SLC9A9: variants seen among roughly 807,000 people sequenced by gnomAD.
SLC9A9 encodes the protein solute carrier family 9 member A9, also known as sodium/hydrogen exchanger 9.
SLC9A9 carries 62 observed loss-of-function variants against 77.8 expected under a neutral mutation model. That is an observed-to-expected ratio of 0.80 (90% CI 0.65 to 0.98). The LOEUF is 0.98. SLC9A9 is among the 50% of genes least tolerant of loss of function. SLC9A9 has a pLI of 0.00. For missense variants in SLC9A9, 775 were observed against 774.9 expected, an observed-to-expected ratio of 1.00 and a Z score of 0.00; for synonymous variants, 320 against 283.5, an observed-to-expected ratio of 1.13 and a Z score of -1.29.
At chr3:143,606,079 C>A (rs560842493) in intron 6 of SLC9A9, among the ~76,000 whole-genome samples, 44 of 152,144 alleles carry the variant, frequency 2.9e-4, no homozygotes, top group African/African-American at 1.0e-3. Flanking sequence ...TCATTTCATT[C>A]TAACATTGTC....
intron 4 of SLC9A9, among the ~76,000 whole-genome samples, chr3:143,718,265 C>T (rs1934405191): frequency 6.6e-6 from 1 of 152,234 alleles, no homozygotes; most frequent in Non-Finnish European, 1.5e-5. Flanking sequence ...AACTCACCTA[C>T]TGGTTTGATT....
At chr3:143,281,358 A>G (rs1489502366) in intron 14 of SLC9A9, among the ~76,000 whole-genome samples, 1 of 152,066 alleles carries the variant, frequency 6.6e-6, no homozygotes, top group African/African-American at 2.4e-5. Context: ...ATTCTAATAC[A>G]GTATTCTATT....
At chr3:143,467,313 T>A in intron 11 of SLC9A9, 123 bp from the exon 12 acceptor site, 1 of 1,103,880 alleles carries the variant, frequency 9.1e-7, no homozygotes, top group Non-Finnish European at 1.3e-6. Flanking sequence ...TTGAGATAAT[T>A]ATAGATTCAT....
At chr3:143,468,743 T>C (rs972185821) in intron 11 of SLC9A9, among the ~76,000 whole-genome samples, 2 of 152,260 alleles carry the variant, frequency 1.3e-5, no homozygotes, top group African/African-American at 4.8e-5. Flanking sequence ...GATTACATAG[T>C]TTTACAAAAT....
chr3:143,426,175 G>A (rs897814470), intron 12 of SLC9A9, among the ~76,000 whole-genome samples: 2 of 152,092 alleles, frequency 1.3e-5, no homozygotes, highest in African/African-American at 4.8e-5. Flanking sequence ...ACAGATGTAC[G>A]GACTGGCAAA....
chr3:143,756,786 T>G (rs771267737), intron 4 of SLC9A9, among the ~76,000 whole-genome samples: 75 of 152,164 alleles, frequency 4.9e-4, no homozygotes, highest in Non-Finnish European at 7.9e-4. Context: ...TTCTTTTAAT[T>G]TGACAATAGG....
chr3:143,442,188 A>G (rs77249362), intron 12 of SLC9A9, among the ~76,000 whole-genome samples: 6,588 of 152,272 alleles, frequency 0.043, 490 homozygotes, highest in African/African-American at 0.15. Context: ...CAAAATGAGT[A>G]TAAAGTAACA....
At chr3:143,455,190 G>T (rs1341981760) in intron 12 of SLC9A9, among the ~76,000 whole-genome samples, 1 of 152,168 alleles carries the variant, frequency 6.6e-6, no homozygotes, top group Non-Finnish European at 1.5e-5. Context: ...CTATGCCATT[G>T]AATTGTTTGT....
chr3:143,354,820 C>T (rs573570920), intron 14 of SLC9A9, among the ~76,000 whole-genome samples: 1 of 152,166 alleles, frequency 6.6e-6, no homozygotes, highest in Non-Finnish European at 1.5e-5. Flanking sequence ...TAGAAATCTT[C>T]AGTATAACAT....
intron 8 of SLC9A9, among the ~76,000 whole-genome samples, chr3:143,557,094 T>C (rs1388817362): frequency 6.6e-6 from 1 of 152,102 alleles, no homozygotes; most frequent in Non-Finnish European, 1.5e-5. Context: ...TGGGAAGTGA[T>C]TGGAGCATGG....
At chr3:143,372,988 T>G (rs968655772) in intron 13 of SLC9A9, among the ~76,000 whole-genome samples, 6 of 152,174 alleles carry the variant, frequency 3.9e-5, no homozygotes, top group African/African-American at 1.4e-4. Flanking sequence ...GAAAAGGGAA[T>G]GCTTACACAC....
At chr3:143,758,859 A>G (rs569933912) in intron 4 of SLC9A9, among the ~76,000 whole-genome samples, 1 of 152,248 alleles carries the variant, frequency 6.6e-6, no homozygotes, top group Admixed American at 6.5e-5. Flanking sequence ...GGATTGCAAA[A>G]TGAGAGGTTA....
chr3:143,326,390 T>C (rs74630850), intron 14 of SLC9A9, among the ~76,000 whole-genome samples: 5,242 of 152,294 alleles, frequency 0.034, 142 homozygotes, highest in African/African-American at 0.079. Flanking sequence ...CTCTTAACTT[T>C]GCCTGCCGGC....
chr3:143,406,978 GAAAAAAA>G (rs57344964), intron 12 of SLC9A9, among the ~76,000 whole-genome samples: 4 of 69,394 alleles, frequency 5.8e-5, no homozygotes, highest in Admixed American at 4.7e-4. Context: ...TCCATCTCGA[GAAAAAAA>G]AAAAAAAAAA....
chr3:143,483,359 A>G (rs150701181), intron 11 of SLC9A9, among the ~76,000 whole-genome samples: 4,000 of 152,250 alleles, frequency 0.026, 59 homozygotes, highest in Middle Eastern at 0.058. Context: ...GCTTTACTCA[A>G]AAACATTACT....
intron 2 of SLC9A9, among the ~76,000 whole-genome samples, chr3:143,810,955 C>A (rs2008848947): frequency 6.6e-6 from 1 of 151,966 alleles, no homozygotes; most frequent in Admixed American, 6.6e-5. Flanking sequence ...GCTTGCTGAT[C>A]CCCCAGGAAA....
At chr3:143,624,702 A>G (rs1353881961) in intron 6 of SLC9A9, among the ~76,000 whole-genome samples, 1 of 152,120 alleles carries the variant, frequency 6.6e-6, no homozygotes, top group Non-Finnish European at 1.5e-5. Context: ...CTGAAAACTG[A>G]CACAAGACAG....
chr3:143,566,832 T>C (rs1459951925), intron 8 of SLC9A9, among the ~76,000 whole-genome samples: 1 of 152,076 alleles, frequency 6.6e-6, no homozygotes, highest in Admixed American at 6.6e-5. Context: ...CCCTGAAAGT[T>C]TGCTTCTGGC....
At chr3:143,494,929 A>G (rs904921777) in intron 10 of SLC9A9, among the ~76,000 whole-genome samples, 2 of 152,240 alleles carry the variant, frequency 1.3e-5, no homozygotes. Flanking sequence ...TCATCTTGCA[A>G]TGAAAACATT....
Sources: allele counts gnomAD v4.1 joint callset (sites outside exome capture counted in the v4.1 genomes callset), GRCh38; gene constraint gnomAD v4.1.1; transcripts MANE v1.5; gene names NCBI Gene and HGNC (gene_info 2026-07-23, HGNC 2026-07-21).